The following GPHN variants were observed in gnomAD, a reference collection of about 807,000 sequenced individuals.
GPHN encodes gephyrin.
A neutral mutation model predicts 95.5 loss-of-function variants in GPHN; 17 were observed. The observed-to-expected ratio is 0.18, with a 90% CI of 0.12 to 0.27. The LOEUF is 0.27. Among genes scored for constraint, GPHN ranks in the 10% least tolerant of loss-of-function variants. GPHN has a pLI of 1.00. For missense variants in GPHN, 660 were observed against 978.1 expected (o/e 0.67, Z 4.34); for synonymous variants, 320 against 322.5 (o/e 0.99, Z 0.08).
At chr14:67,521,262 T>C in the GPHN span, among the ~76,000 whole-genome samples, 3 of 152,240 alleles carry the variant, frequency 2.0e-5, no homozygotes, top group African/African-American at 7.2e-5. Context: ...CAGACTTCTG[T>C]ATAGCTGTGA....
At chr14:66,963,100 G>A (rs2069068082) in intron 8 of GPHN, among the ~76,000 whole-genome samples, 1 of 151,858 alleles carries the variant, frequency 6.6e-6, no homozygotes, top group Admixed American at 6.6e-5. Context: ...CTCTGCAGGT[G>A]ATCTGACACA....
At chr14:67,654,367 T>C in the GPHN span, among the ~76,000 whole-genome samples, 3 of 152,110 alleles carry the variant, frequency 2.0e-5, no homozygotes, top group Admixed American at 2.0e-4. Flanking sequence ...GGTTTCAAAC[T>C]CCTAGGCTCA....
intron 3 of GPHN, among the ~76,000 whole-genome samples, chr14:66,824,168 T>G (rs2061310509): frequency 6.6e-6 from 1 of 152,216 alleles, no homozygotes; most frequent in African/African-American, 2.4e-5. Flanking sequence ...TTTGAATGGC[T>G]GAAAAGAACT....
At chr14:67,066,839 T>C (rs1017524868) in intron 11 of GPHN, among the ~76,000 whole-genome samples, 1 of 152,210 alleles carries the variant, frequency 6.6e-6, no homozygotes, top group Admixed American at 6.5e-5. Context: ...CTAACCTTTT[T>C]TCAAGGTTTT....
At chr14:67,293,205 ATTG>A in the GPHN span, among the ~76,000 whole-genome samples, 1 of 152,082 alleles carries the variant, frequency 6.6e-6, no homozygotes, top group African/African-American at 2.4e-5. Flanking sequence ...GGGAGTTTTT[ATTG>A]TTAACATGAT....
At chr14:66,956,658 T>C (rs2068526862) in intron 8 of GPHN, among the ~76,000 whole-genome samples, 1 of 152,078 alleles carries the variant, frequency 6.6e-6, no homozygotes, top group Non-Finnish European at 1.5e-5. Flanking sequence ...TTTTTTCATG[T>C]GTTTTTTGGC....
At chr14:67,206,857 A>G in the GPHN span, among the ~76,000 whole-genome samples, 223 of 152,022 alleles carry the variant, frequency 1.5e-3, 2 homozygotes, top group Non-Finnish European at 1.5e-3. Flanking sequence ...CAGCTTTCCA[A>G]GTAGCTGGGA....
chr14:66,896,967 T>G (rs2064885640), intron 5 of GPHN, among the ~76,000 whole-genome samples: 1 of 152,194 alleles, frequency 6.6e-6, no homozygotes, highest in Admixed American at 6.6e-5. Flanking sequence ...CCTTCATGTT[T>G]ATCTGAAAAA....
chr14:66,553,735 C>T (rs894937615), intron 1 of GPHN, among the ~76,000 whole-genome samples: 1 of 152,148 alleles, frequency 6.6e-6, no homozygotes, highest in Non-Finnish European at 1.5e-5. Context: ...GGCCACCACG[C>T]CCGCCTAATT....
At chr14:66,817,527 A>C (rs1038240538) in intron 3 of GPHN, among the ~76,000 whole-genome samples, 5 of 152,158 alleles carry the variant, frequency 3.3e-5, no homozygotes, top group African/African-American at 1.2e-4. Flanking sequence ...ACCACCACAA[A>C]ATGTGGTGGC....
At chr14:66,932,018 G>A (rs140864562) in intron 8 of GPHN, among the ~76,000 whole-genome samples, 138 of 152,216 alleles carry the variant, frequency 9.1e-4, no homozygotes, top group Middle Eastern at 3.4e-3. Flanking sequence ...ATACTCAAAG[G>A]GAATTAAATG....
At chr14:67,371,427 A>T in the GPHN span, among the ~76,000 whole-genome samples, 2 of 152,158 alleles carry the variant, frequency 1.3e-5, no homozygotes, top group Admixed American at 1.3e-4. Context: ...CCCACCAAAA[A>T]AAAAAAAGTT....
the GPHN span, among the ~76,000 whole-genome samples, chr14:67,425,613 C>A: frequency 6.6e-6 from 1 of 152,168 alleles, no homozygotes; most frequent in Non-Finnish European, 1.5e-5. Context: ...CCCGGCAAGA[C>A]AAAGCAGGTG....
chr14:67,252,031 A>G, the GPHN span, among the ~76,000 whole-genome samples: 4 of 152,252 alleles, frequency 2.6e-5, no homozygotes, highest in African/African-American at 9.6e-5. Flanking sequence ...GTTTGACTGG[A>G]GAAGGCATGG....
At position 67,108,336 on chromosome 14, in the gene GPHN, A is replaced by G. The variant is rs372119065; in HGVS notation, c.1294-1804A>G. ...CTTTTCTGTCTCTCTCCTACCCTCT[A>G]CATCTCTTACTGACCCCTCCCTTTG... is the stretch of plus-strand genomic sequence containing the variant. On this transcript the variant is annotated intron_variant, in intron 13 of 22. Coordinates refer to ENST00000478722, the MANE Select transcript of GPHN (RefSeq NM_020806.5). Among the ~76,000 whole-genome samples the G allele has an allele frequency of 8.5e-5, 13 of 152,264 alleles. No homozygotes were observed. The East Asian group carries it at 1.5e-3, about 18-fold the overall frequency.
intron 17 of GPHN, among the ~76,000 whole-genome samples, chr14:67,141,259 A>G (rs1410218136): frequency 6.6e-6 from 1 of 152,222 alleles, no homozygotes; most frequent in African/African-American, 2.4e-5. Flanking sequence ...AAATGAAGCT[A>G]TTCAGGTTGG....
At chr14:67,338,526 G>T in the GPHN span, 1 of 1,325,342 alleles carries the variant, frequency 7.5e-7, no homozygotes, top group Non-Finnish European at 1.0e-6. Context: ...AAATTCTTAG[G>T]CCAAAAAATA....
the GPHN span, chr14:67,727,374 G>C: frequency 1.9e-6 from 1 of 521,044 alleles, no homozygotes; most frequent in Non-Finnish European, 3.4e-6. Flanking sequence ...AAATCAAATA[G>C]GGGTTAAGAA....
intron 4 of GPHN, among the ~76,000 whole-genome samples, chr14:66,833,364 C>G (rs2153501390): frequency 6.6e-6 from 1 of 152,182 alleles, no homozygotes; most frequent in South Asian, 2.1e-4. Context: ...GGTAACTGCC[C>G]CATGATTAAA....
Sources: gnomAD v4.1 joint callset for allele counts (sites outside exome capture counted in the v4.1 genomes callset) on GRCh38, gnomAD v4.1.1 for gene constraint, MANE v1.5 for transcripts, NCBI Gene and HGNC (gene_info 2026-07-23, HGNC 2026-07-21) for gene names.